Variants in SYTL1 observed in about 807,000 individuals in gnomAD.
SYTL1 encodes synaptotagmin-like protein 1.
Under a neutral mutation model 74.6 loss-of-function variants are expected in SYTL1, and 53 were observed. That is an observed-to-expected ratio of 0.71 (90% CI 0.57 to 0.89). The LOEUF (loss-of-function observed/expected upper bound fraction) is 0.89, where lower values mean the gene tolerates loss of function less well. Ranked by LOEUF, SYTL1 falls within the 40% of genes least tolerant of loss-of-function variation. The probability of loss-of-function intolerance (pLI) is 0.00; values close to 1 mark genes in which losing one functional copy is unlikely to be tolerated. For missense variants in SYTL1, 728 were observed against 768.7 expected (o/e 0.95, Z 0.63); for synonymous variants, 329 against 324.9 (o/e 1.01, Z -0.14).
rs1216410071 is a variant in SYTL1, at chr1:27,349,881, C to G, written c.748-91C>G. 4 of 1,537,528 alleles carry G rather than the reference C, an allele frequency of 2.6e-6. No homozygotes were observed. The South Asian group carries it at 3.6e-5, about 14-fold the overall frequency. ...ACCGCTGCAGCCCCCCAGCCTGCCACCTATGACCCGGGTCTGAAGCCTCCG... is the reference window on the plus strand; with the variant it reads ...ACCGCTGCAGCCCCCCAGCCTGCCAGCTATGACCCGGGTCTGAAGCCTCCG... On this transcript the variant is annotated intron_variant, in intron 8 of 14. Coordinates refer to ENST00000616558, the MANE Select transcript of SYTL1 (RefSeq NM_001193308.2).
At position 27,347,673 on chromosome 1, in the gene SYTL1, C is replaced by T; in HGVS notation, c.340+104C>T. On this transcript the variant is annotated intron_variant, in intron 3 of 14. Transcript: ENST00000616558. The surrounding 1 kb of genome is among the most constrained non-coding windows in gnomAD (Gnocchi z 4.9). Reference sequence around the variant, plus strand: ...ACTAGGGCTCCAGTCCTGGCTGCCCCCAGTACTGTGTGTCTTTCAGTGGGC... The same window carrying T: ...ACTAGGGCTCCAGTCCTGGCTGCCCTCAGTACTGTGTGTCTTTCAGTGGGC... 2.0e-6 allele frequency: 3 copies of T among 1,527,592 alleles called. No homozygotes were observed. Among genetic ancestry groups the T allele is most frequent in the Admixed American group, 1.9e-5 (1 of 54,014 alleles). 94.6% of individuals were successfully genotyped at this position (1,527,592 alleles called of 1,614,324 possible). A position where few individuals can be genotyped will look rare whatever the true frequency, so the allele number is the denominator to read the frequency against.
rs369128096 is a variant in SYTL1, at chr1:27,350,388, G to T, written c.909-1G>T. ...CTCACCTCGGGTTCTCACCTCCCCA[G>T]CTACGTCAAAAGCTACCTCCTCCCG... On this transcript the variant is annotated splice_acceptor_variant, in intron 9 of 14. Coordinates refer to ENST00000616558, the MANE Select transcript of SYTL1 (RefSeq NM_001193308.2). LOFTEE classifies it high-confidence loss of function. This position sits in a 1 kb window ranked among gnomAD's most constrained non-coding sequence, Gnocchi z 6.3. 51 of 1,613,864 alleles carry T rather than the reference G, an allele frequency of 3.2e-5. No homozygotes were observed. The highest frequency in any genetic ancestry group is 4.0e-5 in the Non-Finnish European group (47 of 1,179,874).
Position 27,345,510 on chromosome 1 carries a change from A to G in SYTL1, c.176A>G (p.Glu59Gly), listed in dbSNP as rs2014961436. Reference sequence around the variant, plus strand: ...CGAGATGCCCGCCTGCGCCAGCTGGAGGAGGGGCGGGTCAGGTAAGGCAGG... The same window carrying G: ...CGAGATGCCCGCCTGCGCCAGCTGGGGGAGGGGCGGGTCAGGTAAGGCAGG... Reference protein sequence around the residue: ...LQRDARLRQLEEGRVSKLRAS... With the variant: ...LQRDARLRQLGEGRVSKLRAS... Residue 59 changes from glutamate (E) to glycine (G), a missense_variant, in exon 2 of 15, where the codon GAG becomes GGG. Coordinates refer to ENST00000616558, the MANE Select transcript of SYTL1 (RefSeq NM_001193308.2). The surrounding 1 kb of genome is among the most constrained non-coding windows in gnomAD (Gnocchi z 6.0). 2 of 1,554,818 alleles carry G rather than the reference A, an allele frequency of 1.3e-6. No individual in the cohort carries two copies. Among genetic ancestry groups the G allele is most frequent in the East Asian group, 2.4e-5 (1 of 42,032 alleles).
In SYTL1 at chr1:27,345,461, G is replaced by T; in HGVS notation, c.127G>T (p.Glu43Ter). ...CAGCTTCCTGACAGAGGAGGAGCAG[G>T]AGGCCATTGCTGGCGTCCTCCAACG... is the stretch of plus-strand genomic sequence containing the variant. ...DLSFLTEEEQ[E>*]AIAGVLQRDA... The change falls in exon 2 of 15, where the codon GAG becomes TAG. Residue 43 changes from glutamate (E) to a stop codon, truncating the protein, a stop_gained. Transcript: ENST00000616558. LOFTEE classifies it high-confidence loss of function. The surrounding 1 kb of genome is among the most constrained non-coding windows in gnomAD (Gnocchi z 6.0). 1 of 1,561,930 alleles carries T rather than the reference G, an allele frequency of 6.4e-7. No individual in the cohort carries two copies. The highest frequency in any genetic ancestry group is 2.3e-5 in the East Asian group (1 of 42,672).
Position 27,351,228 on chromosome 1 carries a change from CCT to C in SYTL1, c.1165-29_1165-28del. 6.5e-7 allele frequency: 1 copy of C among 1,549,480 alleles called. No individual in the cohort carries two copies. Among genetic ancestry groups the C allele is most frequent in the Non-Finnish European group, 8.7e-7 (1 of 1,147,450 alleles). ...CTCCTGAGGCCCCTTTCCATTAGCC[CCT>C]GCTCCACGATAAGCCCGCCTCTCGC... On this transcript the variant is annotated intron_variant, in intron 11 of 14. Coordinates refer to ENST00000616558, the MANE Select transcript of SYTL1 (RefSeq NM_001193308.2). The surrounding 1 kb of genome is among the most constrained non-coding windows in gnomAD (Gnocchi z 5.0).
At position 27,352,888 on chromosome 1, in the gene SYTL1, C is replaced by T. The variant is rs747700007; in HGVS notation, c.1344-395C>T. 4.7e-5 allele frequency: 11 copies of T among 235,960 alleles called. No individual in the cohort carries two copies. The East Asian group carries it at 6.4e-4, about 14-fold the overall frequency. 14.6% of individuals were successfully genotyped at this position (235,960 alleles called of 1,614,324 possible). The stretch of plus-strand genomic sequence containing the variant: ...GCAGCCGCAGTCTCCTGGGCTCCAA[C>T]GATTCTCCTGCCTCAGCCTCCCAAG... On this transcript the variant is annotated intron_variant, in intron 13 of 14. Transcript: ENST00000616558.
Position 27,349,761 on chromosome 1 carries a change from C to T in SYTL1, c.743C>T (p.Ser248Phe), listed in dbSNP as rs1215907508. The change falls in exon 8 of 15, where the codon TCC becomes TTC. Residue 248 changes from serine to phenylalanine, a missense_variant. Ser to Phe is a radical substitution (Grantham distance 155). Coordinates refer to ENST00000616558, the MANE Select transcript of SYTL1 (RefSeq NM_001193308.2). ...TCCTCGGTGTCCAGCCTTAACTCCT[C>T]CACGGTGAGGCGGGAGGGAGGGGAC... ...SSSSVSSLNSSTLSGSQMSLS... is the reference protein window; with the variant it reads ...SSSSVSSLNSFTLSGSQMSLS... The T allele has an allele frequency of 6.3e-7, 1 of 1,599,466 alleles. No homozygotes were observed. The highest frequency in any genetic ancestry group is 8.5e-7 in the Non-Finnish European group (1 of 1,177,360).
At chr1:27,349,290 G>A in intron 6 of SYTL1, 108 bp from the exon 7 acceptor site, 1 of 1,461,160 alleles carries the variant, frequency 6.8e-7, no homozygotes, top group Non-Finnish European at 9.1e-7. Flanking sequence ...TCCCAGGGCA[G>A]CACCGGGGCC....
In SYTL1 at chr1:27,343,888, G is replaced by A. The variant is rs1227615243; in HGVS notation, c.-38-1409G>A. On this transcript the variant is annotated intron_variant, in intron 1 of 14. Coordinates refer to ENST00000616558, the MANE Select transcript of SYTL1 (RefSeq NM_001193308.2). This position sits in a 1 kb window ranked among gnomAD's most constrained non-coding sequence, Gnocchi z 5.2. ...TGTTCTTGTCTAGGTGAACCCATCCGGGTGGGCCTATCCCCATTGGTGTGC... is the reference window on the plus strand; with the variant it reads ...TGTTCTTGTCTAGGTGAACCCATCCAGGTGGGCCTATCCCCATTGGTGTGC... Among the ~76,000 whole-genome samples, 6 of 152,254 alleles carry A rather than the reference G, an allele frequency of 3.9e-5. No individual in the cohort carries two copies. In the East Asian group the frequency reaches 5.8e-4, roughly 15 times the overall value.
chr1:27,349,461 C>T lies in SYTL1; in HGVS notation c.596C>T (p.Ser199Leu), dbSNP rs1489397989. 6 of 1,452,664 alleles carry T rather than the reference C, an allele frequency of 4.1e-6. No homozygotes were observed. The highest frequency in any genetic ancestry group is 2.9e-5 in the African/African-American group (2 of 69,388). The allele number at this position is 1,452,664 out of a possible 1,614,324, so 90.0% of individuals were successfully genotyped here. ...GCTGACCCGGAGCTGGAGCCCGCGT[C>T]GGGGGGAGAGCAGGAGCCGCGGCCC... The part of the protein sequence containing the change: ...EEADPELEPA[S>L]GGEQEPRPQQ... The change falls in exon 7 of 15, where the codon TCG (serine) becomes TTG (leucine). Residue 199 changes from serine to leucine, a missense_variant. By Grantham distance (145) the Ser-to-Leu change is moderately radical. Transcript: ENST00000616558.
chr1:27,349,809 C>A, intron 8 of SYTL1, 44 bp downstream of exon 8: 1 of 1,552,494 alleles, frequency 6.4e-7, no homozygotes, highest in Non-Finnish European at 8.6e-7. Context: ...GGGGTGGACC[C>A]GTTCCGATGC....
intron 13 of SYTL1, 173 bp from the exon 14 acceptor site, chr1:27,353,110 G>T: frequency 1.5e-6 from 1 of 664,882 alleles, no homozygotes; most frequent in Non-Finnish European, 2.6e-6. Flanking sequence ...TTAAAGCCAG[G>T]AGACCTGAGA....
In SYTL1 at chr1:27,351,761, C is replaced by T; in HGVS notation, c.1343+206C>T. 2.0e-6 allele frequency: 1 copy of T among 489,736 alleles called. No individual in the cohort carries two copies. Among genetic ancestry groups the T allele is most frequent in the Admixed American group, 3.9e-5 (1 of 25,752 alleles). The allele number at this position is 489,736 out of a possible 1,614,324, so 30.3% of individuals were successfully genotyped here. ...AGCTGCATTTCAGCGTGACTGGCGC[C>T]TATAGGACTTGTTGAAAAGCTGAGG... On this transcript the variant is annotated intron_variant, in intron 13 of 14. Transcript: ENST00000616558. The surrounding 1 kb of genome is among the most constrained non-coding windows in gnomAD (Gnocchi z 5.0).
rs1183720710 is a variant in SYTL1 at position 27,348,422 on chromosome 1, AT to A, written c.459+411del. ...TGCCCCCCATGTCTATAAAAAATAA[AT>A]AAAAAAAAAAGGCCGGTCGTGGCAG... On this transcript the variant is annotated intron_variant, in intron 5 of 14. Coordinates refer to ENST00000616558, the MANE Select transcript of SYTL1 (RefSeq NM_001193308.2). This position sits in a 1 kb window ranked among gnomAD's most constrained non-coding sequence, Gnocchi z 4.1. Among the ~76,000 whole-genome samples the A allele has an allele frequency of 2.0e-5, 3 of 152,024 alleles. No individual in the cohort carries two copies. The highest frequency in any genetic ancestry group is 1.3e-4 in the Admixed American group (2 of 15,260).
rs777084889 is a variant in SYTL1 at position 27,353,738 on chromosome 1, C to G, written c.1575C>G (p.Pro525=). 5.0e-6 allele frequency: 8 copies of G among 1,613,832 alleles called. No homozygotes were observed. The highest frequency in any genetic ancestry group is 1.7e-4 in the Middle Eastern group (1 of 6,008). Residue 525 remains proline (P), a synonymous_variant, in exon 15 of 15, where the codon CCC becomes CCG. Transcript: ENST00000616558. ...GCAGCAGCTATGGGCTGCAGGTGCC[C>G]TGGATGGATTCCACACCTGAGGAGA... ...GTGSSYGLQV[P]WMDSTPEEKQ...
Position 27,350,418 on chromosome 1 carries a change from A to G in SYTL1, c.938A>G (p.Lys313Arg), listed in dbSNP as rs746916119. 1.1e-4 allele frequency: 173 copies of G among 1,614,046 alleles called. 3 individuals are homozygous for G. In the South Asian group the frequency reaches 1.4e-3, roughly 13 times the overall value. The part of the protein sequence containing the change: ...PYVKSYLLPD[K>R]QSKRKTAVKK... ...GTCAAAAGCTACCTCCTCCCGGATA[A>G]GCAGAGCAAGCGCAAGACGGCGGTG... The change falls in exon 10 of 15, where the codon AAG (lysine) becomes AGG (arginine). Residue 313 changes from lysine (K) to arginine (R), a missense_variant. Transcript: ENST00000616558. The surrounding 1 kb of genome is among the most constrained non-coding windows in gnomAD (Gnocchi z 6.3).
Position 27,342,373 on chromosome 1 carries a change from A to G in SYTL1, c.-39+223A>G. 1.0e-6 allele frequency: 1 copy of G among 983,552 alleles called. No homozygotes were observed. The highest frequency in any genetic ancestry group is 1.2e-6 in the Non-Finnish European group (1 of 828,180). The allele number at this position is 983,552 out of a possible 1,614,324, so 60.9% of individuals were successfully genotyped here. ...CAAACTCCTACCTAACTCTGGTAGGAGATTCTGCCTCTGGTTGGTAGGAGA... is the reference window on the plus strand; with the variant it reads ...CAAACTCCTACCTAACTCTGGTAGGGGATTCTGCCTCTGGTTGGTAGGAGA... On this transcript the variant is annotated intron_variant, in intron 1 of 14. Coordinates refer to ENST00000616558, the MANE Select transcript of SYTL1 (RefSeq NM_001193308.2). The surrounding 1 kb of genome is among the most constrained non-coding windows in gnomAD (Gnocchi z 4.7).
rs1399607328 is a variant in SYTL1, at chr1:27,345,571, T to G, written c.191+46T>G. ...GCCGGGGAGCACCAAGAGGCTTGAG[T>G]GGCCCCCATCCTGCTCCCTACCGAC... is the stretch of plus-strand genomic sequence containing the variant. On this transcript the variant is annotated intron_variant, in intron 2 of 14. Coordinates refer to ENST00000616558, the MANE Select transcript of SYTL1 (RefSeq NM_001193308.2). The surrounding 1 kb of genome is among the most constrained non-coding windows in gnomAD (Gnocchi z 6.0). The G allele has an allele frequency of 7.3e-7, 1 of 1,375,572 alleles. No individual in the cohort carries two copies. The highest frequency in any genetic ancestry group is 2.5e-5 in the East Asian group (1 of 39,388). The allele number at this position is 1,375,572 out of a possible 1,614,324, so 85.2% of individuals were successfully genotyped here.
chr1:27,349,637 T>C lies in SYTL1; in HGVS notation c.634-15T>C. ...GGGGAAAGAAGGGGCGCCCCGTCAC[T>C]TGCCCCCTCTGCAGACCAAGGCCGC... On this transcript the variant is annotated splice_polypyrimidine_tract_variant and intron_variant, in intron 7 of 14. Coordinates refer to ENST00000616558, the MANE Select transcript of SYTL1 (RefSeq NM_001193308.2). 1 of 1,596,354 alleles carries C rather than the reference T, an allele frequency of 6.3e-7. No individual in the cohort carries two copies. Among genetic ancestry groups the C allele is most frequent in the South Asian group, 1.1e-5 (1 of 88,444 alleles).
Sources: gnomAD v4.1 joint callset for allele counts (sites outside exome capture counted in the v4.1 genomes callset) on GRCh38, gnomAD v4.1.1 for gene constraint, Gnocchi (gnomAD v3.1) non-coding constraint, MANE v1.5 for transcripts, NCBI Gene and HGNC (gene_info 2026-07-23, HGNC 2026-07-21) for gene names.